MCUR1: variants seen among roughly 807,000 people sequenced by gnomAD.
MCUR1 encodes MCU regulator 1.
In MCUR1, 37 loss-of-function variants were observed where a neutral mutation model predicts 42.0. The observed-to-expected ratio is 0.88, with a 90% CI of 0.68 to 1.16. The LOEUF (loss-of-function observed/expected upper bound fraction) is 1.16. Among genes scored for constraint, MCUR1 ranks in the 50% most tolerant of loss-of-function variants. The pLI is 0.00. For synonymous variants in MCUR1, 229 were observed against 196.2 expected, an observed-to-expected ratio of 1.17 and a Z score of -1.40; for missense variants, 469 against 468.4, an observed-to-expected ratio of 1.00 and a Z score of -0.01.
At position 13,793,859 on chromosome 6, in the gene MCUR1, C is replaced by T. The variant is rs374739102; in HGVS notation, c.909+35G>A. 38 of 1,585,916 alleles carry T rather than the reference C, an allele frequency of 2.4e-5. No homozygotes were observed. In the African/African-American group the frequency reaches 3.5e-4, roughly 15 times the overall value. ...GCATGGAACGAAGCAAAGATGAGTA[C>T]AAAGACAAAGAAAAATCACAGTCTT... On this transcript the variant is annotated intron_variant, in intron 7 of 8. Coordinates refer to ENST00000379170, the MANE Select transcript of MCUR1 (RefSeq NM_001031713.4).
intron 1 of MCUR1, among the ~76,000 whole-genome samples, chr6:13,811,525 A>G (rs1584991764): frequency 6.6e-6 from 1 of 152,084 alleles, no homozygotes; most frequent in Non-Finnish European, 1.5e-5. Flanking sequence ...ACTGGCCTCC[A>G]TGAGAAGAGA....
rs3180196 is a variant in MCUR1, at chr6:13,801,383, T to C, written c.646A>G (p.Thr216Ala). 240,282 of 1,604,678 alleles carry C rather than the reference T, an allele frequency of 0.15. 20,656 individuals are homozygous for C. The highest frequency in any genetic ancestry group is 0.27 in the East Asian group (12,248 of 44,754). Residue 216 changes from threonine to alanine, a missense_variant, in exon 4 of 9, where the codon ACT becomes GCT. Thr to Ala is a moderately conservative substitution (Grantham distance 58). Transcript: ENST00000379170. ...ATCTGAGACATTACTTGCTGAAAAGTGATTTCCTAGGAAAAGAAAAACAAA... is the reference window on the plus strand; with the variant it reads ...ATCTGAGACATTACTTGCTGAAAAGCGATTTCCTAGGAAAAGAAAAACAAA... ...DMVTKMQQEI[T>A]FQQVMSQIAN...
chr6:13,813,998 T>G lies in MCUR1; in HGVS notation c.415+17A>C. ...CCCGCGAGACGAGCCCCCTCTCCTC[T>G]CCCGCCCGGGCCTCACCTCTCCTGC... On this transcript the variant is annotated intron_variant, in intron 1 of 8. Coordinates refer to ENST00000379170, the MANE Select transcript of MCUR1 (RefSeq NM_001031713.4). The G allele has an allele frequency of 8.1e-7, 1 of 1,230,538 alleles. No individual in the cohort carries two copies. Among genetic ancestry groups the G allele is most frequent in the Non-Finnish European group, 1.0e-6 (1 of 986,360 alleles). The allele number at this position is 1,230,538 out of a possible 1,614,324, so 76.2% of individuals were successfully genotyped here. A position where few individuals can be genotyped will look rare whatever the true frequency, so the allele number is the denominator to read the frequency against.
chr6:13,797,413 T>A (rs1759879458), intron 6 of MCUR1, among the ~76,000 whole-genome samples: 1 of 152,088 alleles, frequency 6.6e-6, no homozygotes, highest in Admixed American at 6.6e-5. Flanking sequence ...CATATCTTTA[T>A]TAAAACACAC....
chr6:13,788,692 TGG>T lies in MCUR1; in HGVS notation c.*2115_*2116del, dbSNP rs1328511055. The T allele has an allele frequency of 3.9e-5, 6 of 152,196 alleles. No individual in the cohort carries two copies. The highest frequency in any genetic ancestry group is 3.9e-4 in the Admixed American group (6 of 15,282). The allele number at this position is 152,196 out of a possible 1,614,324, so 9.4% of individuals were successfully genotyped here. A position where few individuals can be genotyped will look rare whatever the true frequency, so the allele number is the denominator to read the frequency against. On this transcript the variant is annotated 3_prime_UTR_variant, in exon 9 of 9. Coordinates refer to ENST00000379170, the MANE Select transcript of MCUR1 (RefSeq NM_001031713.4). ...CAATTGCTAAGTGTGCTGTCTCTTC[TGG>T]GGACTTCTCTCTGAAAGGGGGATGA...
chr6:13,803,696 CAT>C (rs1246481597), intron 2 of MCUR1: 96 of 935,338 alleles, frequency 1.0e-4, no homozygotes, highest in East Asian at 4.7e-4. Flanking sequence ...ATGTTATACA[CAT>C]GTCTAGAAAA....
intron 5 of MCUR1, among the ~76,000 whole-genome samples, chr6:13,799,768 C>T (rs115288550): frequency 1.3e-5 from 2 of 150,960 alleles, no homozygotes; most frequent in African/African-American, 2.4e-5. Context: ...TCCTTCCGTG[C>T]AGCACTTTAG....
intron 6 of MCUR1, among the ~76,000 whole-genome samples, chr6:13,795,664 C>G (rs1197605657): frequency 1.3e-5 from 2 of 152,088 alleles, no homozygotes; most frequent in African/African-American, 2.4e-5. Context: ...GACATAAATT[C>G]ACTGGCTTGA....
rs771154974 is a variant in MCUR1, at chr6:13,790,742, C to T, written c.*67G>A. ...TGCTGGAATTACAGGTGTGAGCCAC[C>T]GCACCCAGCCAACAATCTGGTATTC... On this transcript the variant is annotated 3_prime_UTR_variant, in exon 9 of 9. Coordinates refer to ENST00000379170, the MANE Select transcript of MCUR1 (RefSeq NM_001031713.4). 28 of 1,309,516 alleles carry T rather than the reference C, an allele frequency of 2.1e-5. No individual in the cohort carries two copies. The highest frequency in any genetic ancestry group is 4.9e-5 in the South Asian group (4 of 81,696). The allele number at this position is 1,309,516 out of a possible 1,614,324, so 81.1% of individuals were successfully genotyped here.
intron 7 of MCUR1, among the ~76,000 whole-genome samples, chr6:13,792,810 C>T (rs1463316227): frequency 6.6e-6 from 1 of 151,984 alleles, no homozygotes; most frequent in African/African-American, 2.4e-5. Flanking sequence ...GAGAAATATC[C>T]CAGGATTCTG....
chr6:13,805,235 T>G (rs1760090830), intron 2 of MCUR1, among the ~76,000 whole-genome samples: 1 of 151,824 alleles, frequency 6.6e-6, no homozygotes, highest in African/African-American at 2.4e-5. Context: ...CAAGCCATCC[T>G]CCCACCTCAG....
At chr6:13,810,555 G>A (rs1760210621) in intron 1 of MCUR1, among the ~76,000 whole-genome samples, 1 of 152,166 alleles carries the variant, frequency 6.6e-6, no homozygotes, top group Admixed American at 6.5e-5. Flanking sequence ...CCAGAAAGAT[G>A]CTCCAGCTGA....
chr6:13,810,299 A>G (rs1760204771), intron 1 of MCUR1, among the ~76,000 whole-genome samples: 1 of 152,196 alleles, frequency 6.6e-6, no homozygotes, highest in Non-Finnish European at 1.5e-5. Context: ...GCTTACTACT[A>G]CTATTAAATA....
chr6:13,810,466 T>G (rs972625136), intron 1 of MCUR1, among the ~76,000 whole-genome samples: 1 of 152,158 alleles, frequency 6.6e-6, no homozygotes. Context: ...AGGTCTGGTG[T>G]TGTAGAAGTC....
Position 13,800,326 on chromosome 6 carries a change from G to A in MCUR1, c.783+15C>T. On this transcript the variant is annotated intron_variant, in intron 5 of 8. Coordinates refer to ENST00000379170, the MANE Select transcript of MCUR1 (RefSeq NM_001031713.4). ...TAATTACAAACCAGCCAACAAACAGGAAAGTGAATCTTACCATTACTTGTT... is the reference window on the plus strand; with the variant it reads ...TAATTACAAACCAGCCAACAAACAGAAAAGTGAATCTTACCATTACTTGTT... 1 of 1,547,252 alleles carries A rather than the reference G, an allele frequency of 6.5e-7. No homozygotes were observed. The highest frequency in any genetic ancestry group is 8.8e-7 in the Non-Finnish European group (1 of 1,135,866).
intron 7 of MCUR1, among the ~76,000 whole-genome samples, chr6:13,793,164 C>T (rs1489845997): frequency 6.9e-6 from 1 of 143,938 alleles, no homozygotes; most frequent in Non-Finnish European, 1.5e-5. Flanking sequence ...GAAAAGGAAA[C>T]TTTCATTAAG....
rs75602422 is a variant in MCUR1 at position 13,798,944 on chromosome 6, G to A, written c.784-40C>T. The A allele has an allele frequency of 3.7e-3, 4,578 of 1,248,082 alleles. 150 individuals are homozygous for A. In the African/African-American group the frequency reaches 0.061, roughly 17 times the overall value. 77.3% of individuals were successfully genotyped at this position (1,248,082 alleles called of 1,614,324 possible). On this transcript the variant is annotated intron_variant, in intron 5 of 8. Transcript: ENST00000379170. ...AACAACAAAGAAGGAAAAATCCAAA[G>A]TAAGAAACCCAAACTCTATGAGGAC...
Position 13,791,348 on chromosome 6 carries a change from GAAC to G in MCUR1, c.1025-487_1025-485del, listed in dbSNP as rs1759725407. On this transcript the variant is annotated intron_variant, in intron 8 of 8. Coordinates refer to ENST00000379170, the MANE Select transcript of MCUR1 (RefSeq NM_001031713.4). Reference sequence around the variant, plus strand: ...ACAGGAAGACACAATTTAATATAAAGAACAACATTTCACTGTTAAATAATGCTG... The same window carrying G: ...ACAGGAAGACACAATTTAATATAAAGAACATTTCACTGTTAAATAATGCTG... Among the ~76,000 whole-genome samples, 4 of 152,252 alleles carry G rather than the reference GAAC, an allele frequency of 2.6e-5. No individual in the cohort carries two copies. The South Asian group carries it at 8.3e-4, about 32-fold the overall frequency.
At chr6:13,804,245 A>C (rs1430837936) in intron 2 of MCUR1, 1 of 193,414 alleles carries the variant, frequency 5.2e-6, no homozygotes, top group Admixed American at 5.2e-5. Flanking sequence ...ATCGCTTGAA[A>C]CCGGGAGGTG....
Sources: allele counts gnomAD v4.1 joint callset (sites outside exome capture counted in the v4.1 genomes callset), GRCh38; gene constraint gnomAD v4.1.1; transcripts MANE v1.5; gene names NCBI Gene and HGNC (gene_info 2026-07-23, HGNC 2026-07-21).